Variants in ACACB observed in about 807,000 individuals in gnomAD.
ACACB encodes the protein acetyl-CoA carboxylase beta.
Under a neutral mutation model 278.8 loss-of-function variants are expected in ACACB, and 209 were observed. The ratio of observed to expected loss-of-function variants is 0.75; its 90% CI spans 0.67 to 0.84. The LOEUF is 0.84. Among genes scored for constraint, ACACB ranks in the 40% least tolerant of loss-of-function variants. The probability of loss-of-function intolerance (pLI) is 0.00; values close to 1 mark genes in which losing one functional copy is unlikely to be tolerated. For synonymous variants in ACACB, 1,174 were observed against 1,285.6 expected (o/e 0.91, Z 1.86); for missense variants, 2,850 against 3,269.0 (o/e 0.87, Z 3.13).
chr12:109,172,170 C>T, intron 5 of ACACB, 105 bp from the exon 6 acceptor site: 2 of 1,080,720 alleles, frequency 1.9e-6, no homozygotes, highest in Admixed American at 1.9e-5. Flanking sequence ...GATCCTCCTG[C>T]CTTGGCCTCC....
intron 1 of ACACB, among the ~76,000 whole-genome samples, chr12:109,117,914 T>A (rs1441329076): frequency 6.6e-6 from 1 of 151,792 alleles, no homozygotes; most frequent in East Asian, 1.9e-4. Context: ...GCCCGGCTAA[T>A]TTTTTTTGTA....
At chr12:109,173,743 C>T (rs1437305541) in intron 6 of ACACB, among the ~76,000 whole-genome samples, 2 of 152,214 alleles carry the variant, frequency 1.3e-5, no homozygotes. Flanking sequence ...CCTGCAGGCT[C>T]GCACAACTGA....
chr12:109,164,425 G>T (rs577015942), intron 2 of ACACB, among the ~76,000 whole-genome samples: 1 of 151,810 alleles, frequency 6.6e-6, no homozygotes, highest in Non-Finnish European at 1.5e-5. Flanking sequence ...TAGAGATGGG[G>T]TTCACCATAT....
intron 1 of ACACB, among the ~76,000 whole-genome samples, chr12:109,122,909 G>A (rs557208444): frequency 6.2e-4 from 95 of 152,090 alleles, no homozygotes; most frequent in African/African-American, 2.1e-3. Flanking sequence ...TAAGCTGGGT[G>A]CAGTGGCTCA....
At chr12:109,169,890 A>C (rs1315829464) in intron 4 of ACACB, among the ~76,000 whole-genome samples, 1 of 152,172 alleles carries the variant, frequency 6.6e-6, no homozygotes, top group East Asian at 1.9e-4. Flanking sequence ...TGTTTGATAA[A>C]CATAGGAGGC....
intron 3 of ACACB, 39 bp downstream of exon 3, chr12:109,167,032 G>A: frequency 1.2e-6 from 2 of 1,612,092 alleles, no homozygotes; most frequent in Non-Finnish European, 1.7e-6. Flanking sequence ...GGGTCCGATT[G>A]GGGTGCAGGG....
At chr12:109,141,327 G>A (rs961466034) in intron 2 of ACACB, among the ~76,000 whole-genome samples, 4 of 152,210 alleles carry the variant, frequency 2.6e-5, no homozygotes, top group African/African-American at 9.6e-5. Flanking sequence ...ATGAATGCCT[G>A]TAGGTTCATA....
intron 4 of ACACB, among the ~76,000 whole-genome samples, chr12:109,170,083 C>T (rs1000028032): frequency 1.3e-5 from 2 of 151,700 alleles, no homozygotes; most frequent in Non-Finnish European, 1.5e-5. Context: ...TGACTTTGGC[C>T]TCATTGATGT....
Position 109,237,260 on chromosome 12 carries a change from C to T in ACACB, c.4542C>T (p.Pro1514=). The change falls in exon 34 of 53, where the codon CCC becomes CCT. Residue 1514 remains proline, a synonymous_variant. Coordinates refer to ENST00000338432, the MANE Select transcript of ACACB (RefSeq NM_001093.4). ...RMRNFDLTAV[P]CANHKMHLYL... ...GTAACTTCGATCTGACCGCCGTGCCCTGTGCCAACCACAAGATGCACCTTT... is the reference window on the plus strand; with the variant it reads ...GTAACTTCGATCTGACCGCCGTGCCTTGTGCCAACCACAAGATGCACCTTT... 6.2e-7 allele frequency: 1 copy of T among 1,614,188 alleles called. No homozygotes were observed. Among genetic ancestry groups the T allele is most frequent in the Non-Finnish European group, 8.5e-7 (1 of 1,180,030 alleles).
intron 47 of ACACB, chr12:109,260,207 G>A (rs1431713589): frequency 7.1e-6 from 10 of 1,410,160 alleles, no homozygotes; most frequent in South Asian, 6.9e-5. Flanking sequence ...AGTCATGGGT[G>A]AGGGCATTTC....
chr12:109,197,972 G>A (rs1012385069), intron 17 of ACACB, among the ~76,000 whole-genome samples: 1 of 152,058 alleles, frequency 6.6e-6, no homozygotes, highest in Non-Finnish European at 1.5e-5. Flanking sequence ...ATGACTCACT[G>A]CAGCCTCAAC....
chr12:109,226,716 A>G (rs1209013927), intron 27 of ACACB, among the ~76,000 whole-genome samples: 1 of 151,630 alleles, frequency 6.6e-6, no homozygotes, highest in Non-Finnish European at 1.5e-5. Context: ...AAAAAAAAAA[A>G]AAAGAAGAAT....
chr12:109,234,108 G>T, intron 31 of ACACB, 63 bp downstream of exon 31: 1 of 1,389,040 alleles, frequency 7.2e-7, no homozygotes. Context: ...GGCTGGGCTC[G>T]TCGAGGCGGC....
At chr12:109,202,450 G>T (rs973933894) in intron 19 of ACACB, among the ~76,000 whole-genome samples, 6 of 151,948 alleles carry the variant, frequency 3.9e-5, no homozygotes, top group African/African-American at 1.5e-4. Flanking sequence ...GAGTAGCTGG[G>T]GATTATAGGT....
intron 20 of ACACB, among the ~76,000 whole-genome samples, chr12:109,207,785 TCTC>T (rs1269909744): frequency 1.3e-5 from 2 of 152,094 alleles, no homozygotes; most frequent in African/African-American, 2.4e-5. Flanking sequence ...TTCAAGCGAT[TCTC>T]CTGCCTCAGC....
intron 1 of ACACB, among the ~76,000 whole-genome samples, chr12:109,128,780 A>G (rs116032379): frequency 7.5e-4 from 113 of 149,894 alleles, no homozygotes; most frequent in Non-Finnish European, 1.0e-3. Context: ...GCAATAATAG[A>G]TGGACTTTTT....
chr12:109,223,083 TG>T (rs2136521242), intron 26 of ACACB, among the ~76,000 whole-genome samples, 171 bp downstream of exon 26: 1 of 152,122 alleles, frequency 6.6e-6, no homozygotes, highest in Non-Finnish European at 1.5e-5. Flanking sequence ...AGGGGTCACC[TG>T]GGGAGACTCT....
intron 11 of ACACB, among the ~76,000 whole-genome samples, chr12:109,184,181 T>G (rs2044574867): frequency 6.6e-6 from 1 of 151,902 alleles, no homozygotes; most frequent in African/African-American, 2.4e-5. Context: ...GCCTCCCGAG[T>G]AGCTGGGATT....
intron 29 of ACACB, among the ~76,000 whole-genome samples, chr12:109,233,087 T>C (rs1322808346): frequency 3.9e-5 from 6 of 152,202 alleles, no homozygotes; most frequent in South Asian, 4.1e-4. Context: ...TCTGGCTATG[T>C]GCTTTCTAAC....
Sources: allele counts gnomAD v4.1 joint callset (sites outside exome capture counted in the v4.1 genomes callset), GRCh38; gene constraint gnomAD v4.1.1; transcripts MANE v1.5; gene names NCBI Gene and HGNC (gene_info 2026-07-23, HGNC 2026-07-21).